Variants in MYH15 observed in about 807,000 individuals in gnomAD.
MYH15 encodes the protein myosin heavy chain 15.
In MYH15, 227 loss-of-function variants were observed where a neutral mutation model predicts 240.5. The ratio of observed to expected loss-of-function variants is 0.94; its 90% confidence interval spans 0.85 to 1.05. MYH15 has a LOEUF of 1.05. Ranked by LOEUF, MYH15 falls within the 50% of genes least tolerant of loss-of-function variation. The pLI is 0.00. For missense variants in MYH15, 2,217 were observed against 2,247.5 expected (o/e 0.99, Z 0.27); for synonymous variants, 785 against 796.7 (o/e 0.99, Z 0.25).
Position 108,393,986 on chromosome 3 carries a change from G to GT in MYH15, c.5259+44dup, listed in dbSNP as rs2107537412. On this transcript the variant is annotated intron_variant, in intron 36 of 40. Coordinates refer to ENST00000693548, the MANE Select transcript of MYH15 (RefSeq NM_014981.3). ...GCCCTGCCCCTTGGCCACTGCGCCAGTGAACTCTGGGAGACAGGATTGAGT... is the reference window on the plus strand; with the variant it reads ...GCCCTGCCCCTTGGCCACTGCGCCAGTTGAACTCTGGGAGACAGGATTGAGT... 1.9e-6 allele frequency: 3 copies of GT among 1,612,078 alleles called. No individual in the cohort carries two copies. The East Asian group carries it at 6.7e-5, about 36-fold the overall frequency.
chr3:108,500,027 C>T lies in MYH15; in HGVS notation c.496+91G>A, dbSNP rs1259736980. 3 of 1,392,540 alleles carry T rather than the reference C, an allele frequency of 2.2e-6. No homozygotes were observed. The African/African-American group carries it at 4.3e-5, about 20-fold the overall frequency. 86.3% of individuals were successfully genotyped at this position (1,392,540 alleles called of 1,614,324 possible). On this transcript the variant is annotated intron_variant, in intron 4 of 40. Coordinates refer to ENST00000693548, the MANE Select transcript of MYH15 (RefSeq NM_014981.3). ...TGATTAGCTAACTGTAAAGGCCATG[C>T]TCTGCTCACAATGCCTAAGTGCCTC...
intron 1 of MYH15, among the ~76,000 whole-genome samples, chr3:108,524,619 A>G (rs1448241470): frequency 6.6e-6 from 1 of 152,092 alleles, no homozygotes; most frequent in Non-Finnish European, 1.5e-5. Context: ...ATAAACAGTT[A>G]TATTTAGTCA....
intron 1 of MYH15, among the ~76,000 whole-genome samples, chr3:108,521,796 A>C (rs1284562560): frequency 2.0e-5 from 3 of 152,204 alleles, no homozygotes; most frequent in Non-Finnish European, 4.4e-5. Flanking sequence ...CAATAGATAC[A>C]GCGCCCTGGC....
chr3:108,526,709 CAT>C (rs1257637890), intron 1 of MYH15, among the ~76,000 whole-genome samples: 1 of 152,154 alleles, frequency 6.6e-6, no homozygotes, highest in Non-Finnish European at 1.5e-5. Flanking sequence ...CCATCACTCA[CAT>C]GTTTTCTCCA....
At chr3:108,419,014 A>G (rs141424097) in intron 28 of MYH15, among the ~76,000 whole-genome samples, 2,314 of 152,296 alleles carry the variant, frequency 0.015, 31 homozygotes, top group South Asian at 0.026. Flanking sequence ...CGGCCTCCCA[A>G]AATTCTGGGA....
chr3:108,468,355 A>G (rs2083140148), intron 14 of MYH15, among the ~76,000 whole-genome samples: 1 of 152,222 alleles, frequency 6.6e-6, no homozygotes, highest in East Asian at 1.9e-4. Context: ...TGCATGTTAT[A>G]CAACATTTTA....
At chr3:108,510,890 A>G (rs1288853283), upstream of MYH15, among the ~76,000 whole-genome samples, 1 of 152,208 alleles carries the variant, frequency 6.6e-6, no homozygotes, top group African/African-American at 2.4e-5. Flanking sequence ...TAAAAGTAAT[A>G]TGAATGATAC....
chr3:108,437,522 A>G (rs751018695), intron 25 of MYH15, 32 bp downstream of exon 25: 3 of 1,601,542 alleles, frequency 1.9e-6, no homozygotes, highest in East Asian at 2.2e-5. Flanking sequence ...TAAGGTCTCC[A>G]GCAATCTCAT....
chr3:108,441,293 G>A (rs372336802), intron 22 of MYH15, 33 bp from the exon 23 acceptor site: 1 of 1,610,178 alleles, frequency 6.2e-7, no homozygotes, highest in African/African-American at 1.3e-5. Flanking sequence ...GTTGCCAACA[G>A]CTGGAAGTAA....
chr3:108,522,900 G>A (rs951845949), intron 1 of MYH15, among the ~76,000 whole-genome samples: 1 of 152,012 alleles, frequency 6.6e-6, no homozygotes, highest in African/African-American at 2.4e-5. Context: ...GAGGAAAAGA[G>A]GGCATCTTCC....
At chr3:108,431,994 T>G (rs146494433) in intron 25 of MYH15, among the ~76,000 whole-genome samples, 24 of 152,186 alleles carry the variant, frequency 1.6e-4, no homozygotes, top group African/African-American at 4.6e-4. Context: ...GGGTACCTGG[T>G]GGAAGGAATT....
rs2083407562 is a variant in MYH15, at chr3:108,498,093, A to T, written c.577T>A (p.Phe193Ile). 6.2e-7 allele frequency: 1 copy of T among 1,613,964 alleles called. No individual in the cohort carries two copies. Among genetic ancestry groups the T allele is most frequent in the African/African-American group, 1.3e-5 (1 of 74,916 alleles). ...TVNSKHIIQY[F>I]ATIAAMIESR... ...TCAATCATGGCTGCTATGGTGGCAA[A>T]ATACTGGATAATATGTTTGCTGTTC... The change falls in exon 6 of 41, where the codon TTT becomes ATT. Residue 193 changes from phenylalanine to isoleucine, a missense_variant. By Grantham distance (21) the Phe-to-Ile change is conservative. Coordinates refer to ENST00000693548, the MANE Select transcript of MYH15 (RefSeq NM_014981.3).
At chr3:108,428,005 T>C (rs531771009) in intron 27 of MYH15, among the ~76,000 whole-genome samples, 1 of 152,254 alleles carries the variant, frequency 6.6e-6, no homozygotes, top group Non-Finnish European at 1.5e-5. Flanking sequence ...AGAAAGAACA[T>C]GTGATGAACC....
intron 1 of MYH15, among the ~76,000 whole-genome samples, 178 bp downstream of exon 1, chr3:108,510,265 C>A (rs2083511616): frequency 6.6e-6 from 1 of 152,124 alleles, no homozygotes; most frequent in Admixed American, 6.6e-5. Flanking sequence ...GTGGGTACTT[C>A]CATTCCTACC....
At chr3:108,429,299 C>T (rs553151365) in intron 26 of MYH15, among the ~76,000 whole-genome samples, 1 of 152,274 alleles carries the variant, frequency 6.6e-6, no homozygotes, top group East Asian at 1.9e-4. Flanking sequence ...GGGCAAAAAT[C>T]TGATCAATAA....
the MYH15 span, among the ~76,000 whole-genome samples, chr3:108,545,063 G>A: frequency 2.0e-5 from 3 of 152,032 alleles, no homozygotes; most frequent in African/African-American, 7.2e-5. Flanking sequence ...GAATTTTGTA[G>A]GTACAGTCAT....
At chr3:108,491,700 A>AC (rs1308023947) in intron 9 of MYH15, among the ~76,000 whole-genome samples, 1 of 151,834 alleles carries the variant, frequency 6.6e-6, no homozygotes, top group Non-Finnish European at 1.5e-5. Flanking sequence ...CTATTGCCGC[A>AC]CCCCCCACAA....
intron 13 of MYH15, among the ~76,000 whole-genome samples, 176 bp downstream of exon 13, chr3:108,470,522 T>C (rs1047067761): frequency 1.3e-5 from 2 of 152,186 alleles, no homozygotes; most frequent in Admixed American, 1.3e-4. Context: ...CTTAATACCA[T>C]TAAGTATAAC....
intron 23 of MYH15, among the ~76,000 whole-genome samples, chr3:108,440,711 G>T (rs931798754): frequency 7.9e-6 from 1 of 126,022 alleles, no homozygotes; most frequent in African/African-American, 2.9e-5. Context: ...AAAAAAAAAA[G>T]GGTTCTTACA....
Sources: allele counts gnomAD v4.1 joint callset (sites outside exome capture counted in the v4.1 genomes callset), GRCh38; gene constraint gnomAD v4.1.1; transcripts MANE v1.5; gene names NCBI Gene and HGNC (gene_info 2026-07-23, HGNC 2026-07-21).